SLC24A4: variants seen among roughly 807,000 people sequenced by gnomAD.
The protein encoded by SLC24A4 is sodium/potassium/calcium exchanger 4.
SLC24A4 carries 53 observed loss-of-function variants against 79.0 expected under a neutral mutation model. The ratio of observed to expected loss-of-function variants is 0.67; its 90% CI spans 0.54 to 0.84. The LOEUF is 0.84. Among genes scored for constraint, SLC24A4 ranks in the 40% least tolerant of loss-of-function variants. SLC24A4 has a pLI of 0.00. For missense variants in SLC24A4, 731 were observed against 822.0 expected, an observed-to-expected ratio of 0.89 and a Z score of 1.35; for synonymous variants, 323 against 323.8, an observed-to-expected ratio of 1.00 and a Z score of 0.03.
At chr14:92,446,038 A>G (rs139258907) in intron 8 of SLC24A4, among the ~76,000 whole-genome samples, 1 of 152,348 alleles carries the variant, frequency 6.6e-6, no homozygotes, top group Non-Finnish European at 1.5e-5. Context: ...CCCCCAAAAC[A>G]GATACATAAA....
intron 2 of SLC24A4, among the ~76,000 whole-genome samples, chr14:92,362,868 A>G (rs144405142): frequency 6.6e-6 from 1 of 152,318 alleles, no homozygotes; most frequent in Admixed American, 6.5e-5. Flanking sequence ...GGGATCAGGC[A>G]TGCTCTTCAA....
At chr14:92,406,804 G>GC (rs1036126876) in intron 2 of SLC24A4, among the ~76,000 whole-genome samples, 3 of 151,968 alleles carry the variant, frequency 2.0e-5, no homozygotes, top group Non-Finnish European at 4.4e-5. Flanking sequence ...TGTGATGGGG[G>GC]GGTCTCTGAA....
intron 2 of SLC24A4, among the ~76,000 whole-genome samples, chr14:92,378,026 G>A (rs4904886): frequency 0.29 from 44,239 of 151,896 alleles, 7,873 homozygotes; most frequent in East Asian, 0.68. Context: ...AGGAGGGTTT[G>A]TCTAGCACGG....
At chr14:92,380,383 C>T (rs571925493) in intron 2 of SLC24A4, among the ~76,000 whole-genome samples, 31 of 152,142 alleles carry the variant, frequency 2.0e-4, no homozygotes, top group Non-Finnish European at 3.2e-4. Flanking sequence ...GGCACGTGGC[C>T]GCATTCCTGG....
At chr14:92,408,302 A>C (rs1405812357) in intron 2 of SLC24A4, 1 of 730,560 alleles carries the variant, frequency 1.4e-6, no homozygotes, top group South Asian at 6.2e-5. Flanking sequence ...GTTGTGGCTA[A>C]ATTGAGTCTT....
At chr14:92,476,028 G>A (rs1894745042) in intron 12 of SLC24A4, among the ~76,000 whole-genome samples, 2 of 152,096 alleles carry the variant, frequency 1.3e-5, no homozygotes, top group Non-Finnish European at 2.9e-5. Context: ...TGTTGAAACC[G>A]GATGCAAAAC....
intron 2 of SLC24A4, among the ~76,000 whole-genome samples, chr14:92,338,068 A>G (rs1310309922): frequency 6.6e-6 from 1 of 152,332 alleles, no homozygotes; most frequent in East Asian, 1.9e-4. Context: ...GACCCTTCAC[A>G]TGGCTGACAC....
intron 2 of SLC24A4, among the ~76,000 whole-genome samples, chr14:92,399,443 A>G (rs144361442): frequency 8.8e-4 from 134 of 152,348 alleles, no homozygotes; most frequent in Admixed American, 2.9e-3. Context: ...TTGGATTTTC[A>G]CCAAACTTGG....
At chr14:92,376,969 A>T (rs917458861) in intron 2 of SLC24A4, among the ~76,000 whole-genome samples, 16 of 152,192 alleles carry the variant, frequency 1.1e-4, no homozygotes, top group Non-Finnish European at 2.1e-4. Context: ...TGAGGCTGGG[A>T]ACACTCGTCT....
intron 2 of SLC24A4, among the ~76,000 whole-genome samples, chr14:92,340,646 C>T (rs930930241): frequency 1.3e-5 from 2 of 152,086 alleles, no homozygotes; most frequent in African/African-American, 4.8e-5. Flanking sequence ...GATTCCTTTC[C>T]CCACCCTAGG....
chr14:92,348,561 G>A (rs1338212113), intron 2 of SLC24A4, among the ~76,000 whole-genome samples: 2 of 152,156 alleles, frequency 1.3e-5, no homozygotes, highest in Admixed American at 1.3e-4. Flanking sequence ...CAGTCCCTGG[G>A]GCCCCTTCCA....
chr14:92,478,985 TTTA>T lies in SLC24A4; in HGVS notation c.1256-3692_1256-3690del, dbSNP rs139230899. 8.0e-3 allele frequency among the ~76,000 whole-genome samples: 1,221 copies of T among 152,300 alleles called. 63 individuals are homozygous for T. The East Asian group carries it at 0.14, about 18-fold the overall frequency. On this transcript the variant is annotated intron_variant, in intron 12 of 16. Coordinates refer to ENST00000532405, the MANE Select transcript of SLC24A4 (RefSeq NM_153646.4). ...TTGTACATGGAATTGTTTTCTTAATTTTATTTTTGAATTGTTAATGTAGAAAAA... is the reference window on the plus strand; with the variant it reads ...TTGTACATGGAATTGTTTTCTTAATTTTTTTGAATTGTTAATGTAGAAAAA...
chr14:92,322,836 G>A (rs918744837), upstream of SLC24A4, among the ~76,000 whole-genome samples: 14 of 152,082 alleles, frequency 9.2e-5, no homozygotes, highest in Non-Finnish European at 1.5e-4. Flanking sequence ...GTCGGCTCGG[G>A]GGTCGGAGAG....
chr14:92,350,913 C>A lies in SLC24A4; in HGVS notation c.241+24935C>A, dbSNP rs544324179. On this transcript the variant is annotated intron_variant, in intron 2 of 16. Coordinates refer to ENST00000532405, the MANE Select transcript of SLC24A4 (RefSeq NM_153646.4). ...GAGACCTCATGAATGGGATTAGTGC[C>A]CTTATTAAAAGAGACCCAGGAGCTA... Among the ~76,000 whole-genome samples, 43 of 152,172 alleles carry A rather than the reference C, an allele frequency of 2.8e-4. 2 individuals are homozygous for A. The highest frequency in any genetic ancestry group is 7.2e-4 in the African/African-American group (30 of 41,500).
intron 2 of SLC24A4, among the ~76,000 whole-genome samples, chr14:92,347,800 A>G (rs1566703252): frequency 1.3e-5 from 2 of 152,232 alleles, no homozygotes; most frequent in East Asian, 3.9e-4. Flanking sequence ...GGTGGTGGGC[A>G]TCTGTAATCC....
intron 12 of SLC24A4, among the ~76,000 whole-genome samples, chr14:92,477,514 T>A (rs755803475): frequency 8.5e-5 from 13 of 152,198 alleles, no homozygotes; most frequent in Non-Finnish European, 1.8e-4. Flanking sequence ...TGTTGCCCAG[T>A]GCAATGGCAA....
At chr14:92,418,784 C>T (rs1891123945) in intron 2 of SLC24A4, among the ~76,000 whole-genome samples, 1 of 152,322 alleles carries the variant, frequency 6.6e-6, no homozygotes, top group African/African-American at 2.4e-5. Context: ...TCACTGCAAC[C>T]TCTGCCTCCT....
chr14:92,338,258 C>G (rs933899264), intron 2 of SLC24A4, among the ~76,000 whole-genome samples: 2 of 152,178 alleles, frequency 1.3e-5, no homozygotes, highest in African/African-American at 4.8e-5. Flanking sequence ...AGCCTTAATT[C>G]CTGTCTGTGA....
chr14:92,480,560 T>G (rs1448610700), intron 12 of SLC24A4, among the ~76,000 whole-genome samples: 4 of 151,942 alleles, frequency 2.6e-5, no homozygotes, highest in Non-Finnish European at 5.9e-5. Flanking sequence ...CCCAAAGTGC[T>G]GGGATTACAG....
Sources: allele counts gnomAD v4.1 joint callset (sites outside exome capture counted in the v4.1 genomes callset), GRCh38; gene constraint gnomAD v4.1.1; transcripts MANE v1.5; gene names NCBI Gene and HGNC (gene_info 2026-07-23, HGNC 2026-07-21).